Variants in ARID1B observed in about 807,000 individuals in gnomAD.
ARID1B encodes the protein AT-rich interaction domain 1B, also known as AT-rich interactive domain-containing protein 1B.
ARID1B carries 30 observed loss-of-function variants against 212.3 expected under a neutral mutation model. The ratio of observed to expected loss-of-function variants is 0.14; its 90% CI spans 0.11 to 0.19. The LOEUF is 0.19. Among genes scored for constraint, ARID1B ranks in the 10% least tolerant of loss-of-function variants. The pLI, the probability that ARID1B is intolerant of heterozygous loss-of-function variation, is 1.00. For missense variants in ARID1B, 2,891 were observed against 3,204.0 expected, an observed-to-expected ratio of 0.90 and a Z score of 2.36; for synonymous variants, 1,402 against 1,301.7, an observed-to-expected ratio of 1.08 and a Z score of -1.66.
chr6:156,953,643 T>C (rs1240940156), intron 4 of ARID1B, among the ~76,000 whole-genome samples: 5 of 152,220 alleles, frequency 3.3e-5, no homozygotes, highest in Non-Finnish European at 5.9e-5. Flanking sequence ...CCTCATAACC[T>C]TCCTGGATAT....
intron 4 of ARID1B, among the ~76,000 whole-genome samples, chr6:156,978,419 C>T (rs1305117341): frequency 2.0e-5 from 3 of 152,212 alleles, no homozygotes; most frequent in South Asian, 2.1e-4. Flanking sequence ...TAAATGCAGT[C>T]CCTGTGACAG....
At position 157,128,628 on chromosome 6, in the gene ARID1B, C is replaced by T. The variant is rs182878248; in HGVS notation, c.2582-4400C>T. Among the ~76,000 whole-genome samples the T allele has an allele frequency of 2.4e-3, 365 of 152,318 alleles. 3 individuals carry two copies. Among genetic ancestry groups the T allele is most frequent in the African/African-American group, 8.5e-3 (352 of 41,570 alleles). ...CCAGCTTTTCACAGGACTGCAGATA[C>T]AGAGGTTTGGGTGAGCCATGCAGCA... On this transcript the variant is annotated intron_variant, in intron 6 of 19. Transcript: ENST00000636930.
intron 4 of ARID1B, among the ~76,000 whole-genome samples, chr6:156,945,459 C>T (rs74779752): frequency 0.022 from 3,352 of 151,788 alleles, 56 homozygotes; most frequent in East Asian, 0.059. Context: ...TGGGGACCAC[C>T]GAGTGTGCTG....
chr6:157,029,446 C>G (rs1033318938), intron 4 of ARID1B, among the ~76,000 whole-genome samples: 32 of 152,228 alleles, frequency 2.1e-4, no homozygotes, highest in Non-Finnish European at 8.8e-5. Flanking sequence ...TGAGCTCCTA[C>G]TCTGTGTCTG....
intron 3 of ARID1B, among the ~76,000 whole-genome samples, chr6:156,932,274 TAAA>T (rs1791811167): frequency 6.6e-6 from 1 of 152,030 alleles, no homozygotes; most frequent in Admixed American, 6.6e-5. Context: ...ACTCGTAACA[TAAA>T]GAAGGTTAAG....
At chr6:157,121,987 C>G (rs1226603939) in intron 6 of ARID1B, among the ~76,000 whole-genome samples, 3 of 152,184 alleles carry the variant, frequency 2.0e-5, no homozygotes, top group Non-Finnish European at 4.4e-5. Flanking sequence ...AGATAGGACA[C>G]TGCTGCAGAA....
At chr6:157,069,311 GC>G (rs1211924464) in intron 4 of ARID1B, among the ~76,000 whole-genome samples, 1 of 152,080 alleles carries the variant, frequency 6.6e-6, no homozygotes, top group East Asian at 1.9e-4. Context: ...ACTATTTATT[GC>G]TGTTGTCAGA....
intron 4 of ARID1B, among the ~76,000 whole-genome samples, chr6:157,028,685 T>C (rs905332728): frequency 1.3e-5 from 2 of 152,212 alleles, no homozygotes; most frequent in African/African-American, 4.8e-5. Context: ...AATCTACAAA[T>C]AATGTCATCA....
At chr6:157,143,218 C>T (rs1247566944) in intron 7 of ARID1B, among the ~76,000 whole-genome samples, 1 of 152,162 alleles carries the variant, frequency 6.6e-6, no homozygotes, top group Non-Finnish European at 1.5e-5. Context: ...AAGACCAGTC[C>T]AGCTGAGGTG....
chr6:156,826,122 TTTAAAATTGTA>T (rs1473785115), intron 1 of ARID1B, among the ~76,000 whole-genome samples: 1 of 152,228 alleles, frequency 6.6e-6, no homozygotes, highest in Non-Finnish European at 1.5e-5. Flanking sequence ...GTAGTAACAG[TTTAAAATTGTA>T]TCACATGGTG....
intron 6 of ARID1B, among the ~76,000 whole-genome samples, chr6:157,129,585 C>T (rs948672593): frequency 6.6e-6 from 1 of 152,294 alleles, no homozygotes; most frequent in South Asian, 2.1e-4. Context: ...GATTCCACAC[C>T]CAGTTGAACT....
At chr6:156,945,599 T>A (rs887687216) in intron 4 of ARID1B, among the ~76,000 whole-genome samples, 13 of 152,128 alleles carry the variant, frequency 8.5e-5, no homozygotes, top group African/African-American at 2.7e-4. Flanking sequence ...AGTGAGTCAG[T>A]CCACACCTGG....
At chr6:156,907,860 G>C (rs965558364) in intron 3 of ARID1B, among the ~76,000 whole-genome samples, 4 of 149,990 alleles carry the variant, frequency 2.7e-5, no homozygotes, top group African/African-American at 9.8e-5. Flanking sequence ...GTGAGTCGAG[G>C]TCGCGCCACT....
At chr6:157,170,938 T>C (rs1179209515) in intron 9 of ARID1B, among the ~76,000 whole-genome samples, 2 of 152,194 alleles carry the variant, frequency 1.3e-5, no homozygotes, top group East Asian at 3.9e-4. Context: ...GCCCTCTGTG[T>C]TTTCAAAAAC....
intron 3 of ARID1B, among the ~76,000 whole-genome samples, chr6:156,931,922 A>AC: frequency 6.8e-6 from 1 of 146,044 alleles, no homozygotes; most frequent in South Asian, 2.3e-4. Flanking sequence ...AGATTGCGCG[A>AC]TGCACTCCAG....
At chr6:156,941,100 A>G (rs1041234095) in intron 4 of ARID1B, 1 of 152,226 alleles carries the variant, frequency 6.6e-6, no homozygotes, top group Non-Finnish European at 1.5e-5. Context: ...GAAAACCCAT[A>G]TCTGTCATCA....
intron 4 of ARID1B, among the ~76,000 whole-genome samples, chr6:156,953,004 C>T (rs964078056): frequency 6.6e-6 from 1 of 152,176 alleles, no homozygotes; most frequent in African/African-American, 2.4e-5. Flanking sequence ...CATTTTGTGG[C>T]ATTCTCAACC....
intron 5 of ARID1B, among the ~76,000 whole-genome samples, chr6:157,104,981 A>G (rs1327239251): frequency 1.3e-5 from 2 of 152,220 alleles, no homozygotes; most frequent in Non-Finnish European, 2.9e-5. Context: ...AAATACTGGA[A>G]CTGAAAATAG....
intron 4 of ARID1B, among the ~76,000 whole-genome samples, chr6:157,028,138 A>G (rs1780778920): frequency 6.6e-6 from 1 of 152,142 alleles, no homozygotes; most frequent in South Asian, 2.1e-4. Flanking sequence ...TTATGACCAA[A>G]TTATATCACA....
Sources: allele counts gnomAD v4.1 joint callset (sites outside exome capture counted in the v4.1 genomes callset), GRCh38; gene constraint gnomAD v4.1.1; transcripts MANE v1.5; gene names NCBI Gene and HGNC (gene_info 2026-07-23, HGNC 2026-07-21).